Variants in ZNF385D observed in about 807,000 individuals in gnomAD.
ZNF385D encodes the protein zinc finger protein 659.
In ZNF385D, 15 loss-of-function variants were observed where a neutral mutation model predicts 35.8. That is an observed-to-expected ratio of 0.42 (90% CI 0.28 to 0.64). The LOEUF (loss-of-function observed/expected upper bound fraction) is 0.64, where lower values mean the gene tolerates loss of function less well. Among genes scored for constraint, ZNF385D ranks in the 30% least tolerant of loss-of-function variants. The pLI, the probability that ZNF385D is intolerant of heterozygous loss-of-function variation, is 0.23. For synonymous variants in ZNF385D, 212 were observed against 186.8 expected (o/e 1.13, Z -1.10); for missense variants, 474 against 494.6 (o/e 0.96, Z 0.39).
chr3:21,637,708 A>G (rs535641223), intron 2 of ZNF385D, among the ~76,000 whole-genome samples: 57 of 152,252 alleles, frequency 3.7e-4, no homozygotes, highest in South Asian at 6.2e-4. Context: ...GGTTTAAAGA[A>G]TGTATGGTCT....
At chr3:21,765,552 A>T (rs2070790055) in intron 3 of ZNF385D, among the ~76,000 whole-genome samples, 1 of 152,102 alleles carries the variant, frequency 6.6e-6, no homozygotes, top group Admixed American at 6.6e-5. Flanking sequence ...ATGGAGAAGG[A>T]ACGTGTCAAT....
intron 3 of ZNF385D, among the ~76,000 whole-genome samples, chr3:22,144,947 CTTAT>C (rs1559405397): frequency 6.6e-6 from 1 of 151,744 alleles, no homozygotes; most frequent in East Asian, 1.9e-4. Context: ...GTAACACTTC[CTTAT>C]TTAATAGGTA....
At chr3:21,954,044 T>G (rs1421473198) in intron 3 of ZNF385D, among the ~76,000 whole-genome samples, 2 of 152,046 alleles carry the variant, frequency 1.3e-5, no homozygotes, top group Non-Finnish European at 2.9e-5. Flanking sequence ...TGAATTATTT[T>G]AAGGTAAAAA....
intron 2 of ZNF385D, among the ~76,000 whole-genome samples, chr3:22,228,070 C>T (rs1044576445): frequency 2.0e-5 from 3 of 152,058 alleles, no homozygotes; most frequent in Non-Finnish European, 2.9e-5. Context: ...ATGAAGACAG[C>T]GGAGACGGTG....
At position 21,596,112 on chromosome 3, in the gene ZNF385D, C is replaced by G. The variant is rs189767689; in HGVS notation, c.166-31428G>C. Among the ~76,000 whole-genome samples, 652 of 152,198 alleles carry G rather than the reference C, an allele frequency of 4.3e-3. 5 individuals are homozygous for G. Among genetic ancestry groups the G allele is most frequent in the African/African-American group, 0.014 (600 of 41,528 alleles). On this transcript the variant is annotated intron_variant, in intron 2 of 7. Transcript: ENST00000281523. ...ATTTAGTTGCTGAAATTCATAGAAA[C>G]TCTTTGTGTTTTAACTAAAAGAAAA...
chr3:22,140,120 T>A (rs975711245), intron 3 of ZNF385D, among the ~76,000 whole-genome samples: 1 of 152,172 alleles, frequency 6.6e-6, no homozygotes, highest in Non-Finnish European at 1.5e-5. Context: ...AAACGAAAAT[T>A]TATTTCCTCA....
At chr3:22,084,429 T>C (rs1472643135) in intron 3 of ZNF385D, among the ~76,000 whole-genome samples, 2 of 152,140 alleles carry the variant, frequency 1.3e-5, no homozygotes, top group African/African-American at 2.4e-5. Context: ...GTTGCAATCC[T>C]AGTCTCTGAT....
chr3:21,596,640 CTTTT>C (rs34205074), intron 2 of ZNF385D, among the ~76,000 whole-genome samples: 2 of 134,362 alleles, frequency 1.5e-5, no homozygotes, highest in Non-Finnish European at 3.2e-5. Flanking sequence ...TCATGCTTGA[CTTTT>C]TTTTTTTTTT....
chr3:21,504,398 C>G (rs1706617740), intron 4 of ZNF385D, among the ~76,000 whole-genome samples: 1 of 152,106 alleles, frequency 6.6e-6, no homozygotes, highest in Admixed American at 6.6e-5. Context: ...GTGAAACCAC[C>G]TATACACAAA....
intron 2 of ZNF385D, among the ~76,000 whole-genome samples, chr3:22,214,324 C>T (rs886990030): frequency 2.0e-5 from 3 of 151,942 alleles, no homozygotes; most frequent in Non-Finnish European, 4.4e-5. Flanking sequence ...ATGTATGTCG[C>T]CTCAGGACCC....
At chr3:22,204,263 TCTGTAAGAA>T (rs1697000891) in intron 2 of ZNF385D, among the ~76,000 whole-genome samples, 1 of 152,054 alleles carries the variant, frequency 6.6e-6, no homozygotes, top group Non-Finnish European at 1.5e-5. Context: ...CCTCAACCAG[TCTGTAAGAA>T]TCACAGCTTT....
chr3:21,484,878 C>T (rs1377863922), intron 4 of ZNF385D, among the ~76,000 whole-genome samples: 1 of 152,134 alleles, frequency 6.6e-6, no homozygotes, highest in African/African-American at 2.4e-5. Context: ...TTCTAGCTTG[C>T]AGACTGCTCC....
chr3:21,642,666 A>G (rs184484014), intron 2 of ZNF385D, among the ~76,000 whole-genome samples: 4 of 152,264 alleles, frequency 2.6e-5, no homozygotes, highest in Admixed American at 2.6e-4. Context: ...TTATAAAAGG[A>G]TTATTCACAA....
intron 3 of ZNF385D, among the ~76,000 whole-genome samples, chr3:21,973,724 A>G (rs1016081505): frequency 2.6e-5 from 4 of 152,118 alleles, no homozygotes; most frequent in African/African-American, 7.2e-5. Flanking sequence ...CAAATTCAGT[A>G]AAGTTGCAGG....
chr3:21,699,142 G>A (rs2067579236), intron 1 of ZNF385D, among the ~76,000 whole-genome samples: 1 of 152,162 alleles, frequency 6.6e-6, no homozygotes. Context: ...TATACCCCAT[G>A]GAATACTATG....
chr3:21,869,994 C>T lies in ZNF385D; in HGVS notation c.326-204966G>A, dbSNP rs555258689. On this transcript the variant is annotated intron_variant, in intron 3 of 5. Transcript: ENST00000494108. ...CTCATAAAAAGATATATTTTTATAT[C>T]CCACTGTGGATTTTTTTTTAAAAAA... Among the ~76,000 whole-genome samples the T allele has an allele frequency of 4.6e-5, 7 of 151,994 alleles. No homozygotes were observed. The East Asian group carries it at 5.8e-4, about 13-fold the overall frequency.
At chr3:21,711,185 G>A (rs1163294368) in intron 1 of ZNF385D, among the ~76,000 whole-genome samples, 1 of 151,524 alleles carries the variant, frequency 6.6e-6, no homozygotes, top group Non-Finnish European at 1.5e-5. Flanking sequence ...GGGACTACAG[G>A]AGCCCACCAT....
chr3:21,590,824 GTAAAT>G (rs2063953156), intron 2 of ZNF385D, among the ~76,000 whole-genome samples: 1 of 151,988 alleles, frequency 6.6e-6, no homozygotes, highest in Non-Finnish European at 1.5e-5. Context: ...TTTTTAGAAA[GTAAAT>G]TAAAATATTA....
rs773643895 is a variant in ZNF385D at position 21,808,953 on chromosome 3, C to T, written c.326-143925G>A. 2.0e-5 allele frequency among the ~76,000 whole-genome samples: 3 copies of T among 152,268 alleles called. No homozygotes were observed. The East Asian group carries it at 5.8e-4, about 29-fold the overall frequency. ...CATTTGAACTACAGTTCTCGAAGGG[C>T]AACCAGGAAGGGCATGCATTCTAAA... On this transcript the variant is annotated intron_variant, in intron 3 of 5. Transcript: ENST00000494108.
Sources: allele counts gnomAD v4.1 joint callset (sites outside exome capture counted in the v4.1 genomes callset), GRCh38; gene constraint gnomAD v4.1.1; transcripts MANE v1.5; gene names NCBI Gene and HGNC (gene_info 2026-07-23, HGNC 2026-07-21).